ERG: variants seen among roughly 807,000 people sequenced by gnomAD.
ERG encodes ETS transcription factor ERG.
Under a neutral mutation model 55.3 loss-of-function variants are expected in ERG, and 9 were observed. That is an observed-to-expected ratio of 0.16 (90% CI 0.10 to 0.28). The LOEUF (loss-of-function observed/expected upper bound fraction) is 0.28, where lower values mean the gene tolerates loss of function less well. Among genes scored for constraint, ERG ranks in the 10% least tolerant of loss-of-function variants. The probability of loss-of-function intolerance (pLI) is 1.00; values close to 1 mark genes in which losing one functional copy is unlikely to be tolerated. For synonymous variants in ERG, 223 were observed against 237.3 expected, an observed-to-expected ratio of 0.94 and a Z score of 0.55; for missense variants, 434 against 631.6, an observed-to-expected ratio of 0.69 and a Z score of 3.35.
At chr21:38,432,541 A>G (rs1990263467) in intron 2 of ERG, among the ~76,000 whole-genome samples, 1 of 152,222 alleles carries the variant, frequency 6.6e-6, no homozygotes, top group Non-Finnish European at 1.5e-5. Context: ...ACTGTTGACT[A>G]ATGATGAGCA....
chr21:38,473,060 T>A (rs1460279153), intron 1 of ERG, among the ~76,000 whole-genome samples: 1 of 151,604 alleles, frequency 6.6e-6, no homozygotes, highest in African/African-American at 2.4e-5. Context: ...ACCAGTCCGC[T>A]GCCTTCTGAG....
At position 38,381,216 on chromosome 21, in the gene ERG, A is replaced by G. The variant is rs1382691994; in HGVS notation, c.*2187T>C. On this transcript the variant is annotated 3_prime_UTR_variant, in exon 10 of 10. Coordinates refer to ENST00000288319, the MANE Select transcript of ERG (RefSeq NM_182918.4). ...TAGCAAAAGGACTGCAACGTGAAAA[A>G]AACAGGCCCTGAAACAGCTATGAAA... 9.4e-7 allele frequency: 1 copy of G among 1,065,296 alleles called. No individual in the cohort carries two copies. The highest frequency in any genetic ancestry group is 1.1e-6 in the Non-Finnish European group (1 of 879,322). The allele number at this position is 1,065,296 out of a possible 1,614,324, so 66.0% of individuals were successfully genotyped here.
At chr21:38,607,751 A>G (rs1244007878) in intron 1 of ERG, among the ~76,000 whole-genome samples, 1 of 152,262 alleles carries the variant, frequency 6.6e-6, no homozygotes, top group African/African-American at 2.4e-5. Flanking sequence ...CATTGATACA[A>G]TTAAAGAGAT....
chr21:38,612,991 T>G (rs34171058), intron 1 of ERG, among the ~76,000 whole-genome samples: 9,559 of 152,240 alleles, frequency 0.063, 952 homozygotes, highest in African/African-American at 0.22. Context: ...CAGTAGATAT[T>G]TGCAAACCAT....
intron 2 of ERG, among the ~76,000 whole-genome samples, chr21:38,573,276 C>A (rs559878750): frequency 1.1e-3 from 166 of 152,304 alleles, no homozygotes; most frequent in Non-Finnish European, 2.1e-3. Context: ...TGAGAAAGAC[C>A]TGACTGTCCC....
intron 2 of ERG, among the ~76,000 whole-genome samples, chr21:38,517,776 A>G (rs1458896854): frequency 6.6e-6 from 1 of 152,192 alleles, no homozygotes; most frequent in African/African-American, 2.4e-5. Context: ...CTATTTGGCC[A>G]TAAAAATAAG....
chr21:38,489,494 A>G (rs2059316827), intron 1 of ERG, among the ~76,000 whole-genome samples: 1 of 152,288 alleles, frequency 6.6e-6, no homozygotes, highest in Non-Finnish European at 1.5e-5. Flanking sequence ...AAAGTCAACA[A>G]AACTATCTAT....
intron 1 of ERG, among the ~76,000 whole-genome samples, chr21:38,645,955 A>G (rs1482017058): frequency 6.6e-6 from 1 of 152,098 alleles, no homozygotes; most frequent in Non-Finnish European, 1.5e-5. Context: ...CACTTCCCAC[A>G]TTCTGAGTTG....
chr21:38,408,827 G>A (rs1386763661), intron 3 of ERG, among the ~76,000 whole-genome samples: 1 of 152,118 alleles, frequency 6.6e-6, no homozygotes, highest in East Asian at 1.9e-4. Flanking sequence ...GAAGGGGAGG[G>A]GACTACAGCA....
chr21:38,645,447 C>A (rs2060450167), intron 1 of ERG, among the ~76,000 whole-genome samples: 1 of 152,204 alleles, frequency 6.6e-6, no homozygotes, highest in African/African-American at 2.4e-5. Flanking sequence ...GTGGAATCCA[C>A]TGTGAAACGA....
At chr21:38,562,068 CAT>C (rs1263622894) in intron 2 of ERG, among the ~76,000 whole-genome samples, 1 of 152,198 alleles carries the variant, frequency 6.6e-6, no homozygotes, top group African/African-American at 2.4e-5. Context: ...CACGGAGACA[CAT>C]GTGCAATTTT....
chr21:38,563,718 T>C (rs1381326764), intron 2 of ERG, among the ~76,000 whole-genome samples: 2 of 152,256 alleles, frequency 1.3e-5, no homozygotes, highest in African/African-American at 4.8e-5. Context: ...ACATAACGTA[T>C]AATGCAGGAT....
Position 38,383,999 on chromosome 21 carries a change from A to AAGGAGG in ERG, c.920-82_920-77dup. ...GGAAAGAGGCTCTCTGTGATGACGGAAGGAGGTGCTATTGGTGTGCCGCCC... is the reference window on the plus strand; with the variant it reads ...GGAAAGAGGCTCTCTGTGATGACGGAAGGAGGAGGAGGTGCTATTGGTGTGCCGCCC... On this transcript the variant is annotated intron_variant, in intron 9 of 9. Coordinates refer to ENST00000288319, the MANE Select transcript of ERG (RefSeq NM_182918.4). This position sits in a 1 kb window ranked among gnomAD's most constrained non-coding sequence, Gnocchi z 5.7. The AAGGAGG allele has an allele frequency of 6.5e-7, 1 of 1,527,082 alleles. No individual in the cohort carries two copies. Among genetic ancestry groups the AAGGAGG allele is most frequent in the Non-Finnish European group, 8.8e-7 (1 of 1,142,440 alleles). The allele number at this position is 1,527,082 out of a possible 1,614,324, so 94.6% of individuals were successfully genotyped here.
At chr21:38,442,286 C>G (rs982894885) in intron 2 of ERG, among the ~76,000 whole-genome samples, 1 of 152,066 alleles carries the variant, frequency 6.6e-6, no homozygotes, top group African/African-American at 2.4e-5. Flanking sequence ...CCCAGCTACT[C>G]AGGAGGCTGA....
At chr21:38,603,781 C>T (rs75971865) in intron 1 of ERG, among the ~76,000 whole-genome samples, 3,415 of 152,052 alleles carry the variant, frequency 0.022, 79 homozygotes, top group East Asian at 0.093. Context: ...TACTCTTAGG[C>T]GAAATTAACA....
Position 38,544,375 on chromosome 21 carries a change from C to T in ERG, c.-41+31287G>A, listed in dbSNP as rs186937054. Among the ~76,000 whole-genome samples the T allele has an allele frequency of 1.3e-4, 20 of 152,234 alleles. No individual in the cohort carries two copies. The East Asian group carries it at 2.9e-3, about 22-fold the overall frequency. Reference sequence around the variant, plus strand: ...CGGCTCCCTGTGAAGAACAGACCCTCGCTTGCAGAGAAGCGAGGACAATTA... The same window carrying T: ...CGGCTCCCTGTGAAGAACAGACCCTTGCTTGCAGAGAAGCGAGGACAATTA... On this transcript the variant is annotated intron_variant, in intron 2 of 8. Transcript: ENST00000398897.
chr21:38,601,168 C>A (rs1230642521), intron 1 of ERG, among the ~76,000 whole-genome samples: 2 of 152,128 alleles, frequency 1.3e-5, no homozygotes, highest in African/African-American at 4.8e-5. Flanking sequence ...ACGCCTTCCC[C>A]CAACAACTCA....
chr21:38,660,014 G>A (rs2060542199), intron 1 of ERG, among the ~76,000 whole-genome samples: 1 of 152,210 alleles, frequency 6.6e-6, no homozygotes, highest in African/African-American at 2.4e-5. Context: ...AAGGTGAAAA[G>A]ACTGAGACTG....
At chr21:38,552,846 G>GGAA (rs2059832965) in intron 2 of ERG, among the ~76,000 whole-genome samples, 1 of 127,878 alleles carries the variant, frequency 7.8e-6, no homozygotes, top group African/African-American at 3.0e-5. Flanking sequence ...TCAAGCAAGA[G>GGAA]AAAAAAAAAA....
Sources: gnomAD v4.1 joint callset for allele counts (sites outside exome capture counted in the v4.1 genomes callset) on GRCh38, gnomAD v4.1.1 for gene constraint, Gnocchi (gnomAD v3.1) non-coding constraint, MANE v1.5 for transcripts, NCBI Gene and HGNC (gene_info 2026-07-23, HGNC 2026-07-21) for gene names.